METTL15: variants seen among roughly 807,000 people sequenced by gnomAD.
METTL15 encodes 12S rRNA N(4)-cytidine methyltransferase METTL15.
In METTL15, 34 loss-of-function variants were observed where a neutral mutation model predicts 38.3. The ratio of observed to expected loss-of-function variants is 0.89; its 90% CI spans 0.68 to 1.18. The LOEUF (loss-of-function observed/expected upper bound fraction) is 1.18. METTL15 is among the 50% of genes most tolerant of loss of function. METTL15 has a pLI of 0.00. For synonymous variants in METTL15, 162 were observed against 170.9 expected (o/e 0.95, Z 0.41); for missense variants, 438 against 498.4 (o/e 0.88, Z 1.15).
At chr11:28,504,239 A>C (rs1190461149) in intron 6 of METTL15, among the ~76,000 whole-genome samples, 1 of 151,942 alleles carries the variant, frequency 6.6e-6, no homozygotes, top group Non-Finnish European at 1.5e-5. Flanking sequence ...AAAGAAAAAA[A>C]AATTGCATAC....
At chr11:28,270,387 G>A (rs1282315414) in intron 4 of METTL15, among the ~76,000 whole-genome samples, 2 of 152,102 alleles carry the variant, frequency 1.3e-5, no homozygotes, top group African/African-American at 4.8e-5. Context: ...AACTCCTTCG[G>A]CATGTTATAA....
At position 28,471,086 on chromosome 11, in the gene METTL15, G is replaced by C. The variant is rs867448997; in HGVS notation, c.*424+46722G>C. ...GTGTTACAGACATCACCTGGGGCTA[G>C]AGCCATCAGAAGACCCAACAAGGCT... On this transcript the variant is annotated intron_variant and NMD_transcript_variant, in intron 6 of 7. Coordinates refer to the METTL15 transcript ENST00000532947. 2.6e-4 allele frequency among the ~76,000 whole-genome samples: 39 copies of C among 152,052 alleles called. 1 individual carries two copies. The highest frequency in any genetic ancestry group is 9.2e-4 in the African/African-American group (38 of 41,412).
intron 3 of METTL15, among the ~76,000 whole-genome samples, chr11:28,123,062 A>G (rs529191350): frequency 1.1e-3 from 164 of 152,274 alleles, no homozygotes; most frequent in African/African-American, 2.2e-3. Context: ...TTTGCTTAAG[A>G]GCCATTCTTC....
intron 6 of METTL15, among the ~76,000 whole-genome samples, chr11:28,465,911 G>A (rs548116714): frequency 6.6e-6 from 1 of 152,260 alleles, no homozygotes; most frequent in Admixed American, 6.5e-5. Flanking sequence ...GGGCAAAATA[G>A]CCCCCAGTTG....
chr11:28,257,977 G>A (rs143529358), intron 4 of METTL15, among the ~76,000 whole-genome samples: 105 of 152,248 alleles, frequency 6.9e-4, no homozygotes, highest in African/African-American at 2.3e-3. Flanking sequence ...GAAGAGTTAT[G>A]TATTTATTAT....
chr11:28,161,825 G>A (rs780350543), intron 3 of METTL15, among the ~76,000 whole-genome samples: 1 of 152,006 alleles, frequency 6.6e-6, no homozygotes, highest in Non-Finnish European at 1.5e-5. Context: ...CACTGTTGAT[G>A]GAAATACTAA....
chr11:28,141,872 A>G (rs1185854524), intron 3 of METTL15, among the ~76,000 whole-genome samples: 1 of 152,142 alleles, frequency 6.6e-6, no homozygotes, highest in Non-Finnish European at 1.5e-5. Context: ...GGCAGTTTCC[A>G]TCCTGAACAA....
chr11:28,168,009 C>G (rs891793466), intron 3 of METTL15, among the ~76,000 whole-genome samples: 6 of 151,772 alleles, frequency 4.0e-5, no homozygotes, highest in Non-Finnish European at 5.9e-5. Context: ...ATTAGAAGAT[C>G]GAAATGAAGA....
intron 5 of METTL15, among the ~76,000 whole-genome samples, chr11:28,421,065 A>G (rs1256248689): frequency 3.3e-5 from 5 of 152,060 alleles, no homozygotes; most frequent in Non-Finnish European, 5.9e-5. Context: ...TAGTCAAATT[A>G]GAGACTACTT....
chr11:28,311,063 G>A (rs973363355), intron 6 of METTL15, among the ~76,000 whole-genome samples: 3 of 151,194 alleles, frequency 2.0e-5, no homozygotes, highest in African/African-American at 7.3e-5. Flanking sequence ...AGTTGGGCAT[G>A]GTCTTTGATT....
intron 6 of METTL15, among the ~76,000 whole-genome samples, chr11:28,476,414 C>T (rs1851346823): frequency 6.6e-6 from 1 of 152,134 alleles, no homozygotes; most frequent in African/African-American, 2.4e-5. Context: ...TCTAACAAGA[C>T]CACCAGAATT....
intron 3 of METTL15, among the ~76,000 whole-genome samples, chr11:28,338,917 A>C (rs895281539): frequency 1.3e-5 from 2 of 152,142 alleles, no homozygotes; most frequent in Admixed American, 1.3e-4. Flanking sequence ...GGAATGAAAA[A>C]GATCTTGGAG....
chr11:28,489,975 C>G (rs767957617), intron 6 of METTL15, among the ~76,000 whole-genome samples: 6 of 152,050 alleles, frequency 3.9e-5, no homozygotes, highest in Non-Finnish European at 7.4e-5. Flanking sequence ...TCCTCCATCA[C>G]TGCATGGTCT....
At chr11:28,211,345 T>A in intron 4 of METTL15, 147 bp downstream of exon 4, 1 of 637,206 alleles carries the variant, frequency 1.6e-6, no homozygotes, top group Non-Finnish European at 2.4e-6. Flanking sequence ...AGAATTAATG[T>A]AAGTGATGTT....
At position 28,133,982 on chromosome 11, in the gene METTL15, T is replaced by C. The variant is rs76620420; in HGVS notation, c.270+20378T>C. Among the ~76,000 whole-genome samples, 52 of 152,238 alleles carry C rather than the reference T, an allele frequency of 3.4e-4. No homozygotes were observed. The East Asian group carries it at 9.9e-3, about 29-fold the overall frequency. ...TATGTTGACTGCTCTAAAGGAAAGGTATGCATTACTATACGAGTGACCAAC... is the reference window on the plus strand; with the variant it reads ...TATGTTGACTGCTCTAAAGGAAAGGCATGCATTACTATACGAGTGACCAAC... On this transcript the variant is annotated intron_variant, in intron 3 of 6. Transcript: ENST00000407364.
At chr11:28,242,503 C>A (rs184627090) in intron 4 of METTL15, among the ~76,000 whole-genome samples, 4 of 152,130 alleles carry the variant, frequency 2.6e-5, no homozygotes, top group African/African-American at 9.7e-5. Flanking sequence ...TAAAAATGCT[C>A]ATTTTTCTAA....
intron 3 of METTL15, among the ~76,000 whole-genome samples, chr11:28,175,179 T>C (rs1400481710): frequency 6.6e-6 from 1 of 151,870 alleles, no homozygotes; most frequent in African/African-American, 2.4e-5. Context: ...TTCCCACTTA[T>C]GAGTGAGAAC....
chr11:28,274,651 A>G (rs1024446019), intron 4 of METTL15, among the ~76,000 whole-genome samples: 10 of 152,042 alleles, frequency 6.6e-5, no homozygotes, highest in Non-Finnish European at 1.5e-4. Flanking sequence ...GAACTAATGT[A>G]TGGTTTCCTT....
chr11:28,157,208 C>G (rs1850293235), intron 3 of METTL15, among the ~76,000 whole-genome samples: 1 of 152,144 alleles, frequency 6.6e-6, no homozygotes, highest in African/African-American at 2.4e-5. Context: ...CTTTGTAGAC[C>G]TATTTGCATT....
Sources: gnomAD v4.1 joint callset for allele counts (sites outside exome capture counted in the v4.1 genomes callset) on GRCh38, gnomAD v4.1.1 for gene constraint, MANE v1.5 for transcripts, NCBI Gene and HGNC (gene_info 2026-07-23, HGNC 2026-07-21) for gene names.